The following ADGRL2 variants were observed in gnomAD, a reference collection of about 807,000 sequenced individuals.
The protein encoded by ADGRL2 is calcium-independent alpha-latrotoxin receptor 2.
Under a neutral mutation model 157.4 loss-of-function variants are expected in ADGRL2, and 44 were observed. The observed-to-expected ratio is 0.28, with a 90% CI of 0.22 to 0.36. ADGRL2 has a LOEUF of 0.36. Among genes scored for constraint, ADGRL2 ranks in the 10% least tolerant of loss-of-function variants. The pLI, the probability that ADGRL2 is intolerant of heterozygous loss-of-function variation, is 1.00. For synonymous variants in ADGRL2, 585 were observed against 624.7 expected (o/e 0.94, Z 0.95); for missense variants, 1,510 against 1,768.9 (o/e 0.85, Z 2.63).
chr1:81,921,418 A>G (rs575054869), intron 3 of ADGRL2, among the ~76,000 whole-genome samples: 44 of 152,312 alleles, frequency 2.9e-4, no homozygotes, highest in African/African-American at 8.2e-4. Flanking sequence ...ACAATATGAT[A>G]ATGTGTATAG....
chr1:81,853,646 G>T (rs1404083640), intron 2 of ADGRL2, among the ~76,000 whole-genome samples: 3 of 152,114 alleles, frequency 2.0e-5, no homozygotes, highest in African/African-American at 7.2e-5. Context: ...TGTAAAAAAT[G>T]AAAGCAAATA....
intron 1 of ADGRL2, among the ~76,000 whole-genome samples, chr1:81,815,316 A>G (rs1444202124): frequency 1.3e-5 from 2 of 151,910 alleles, no homozygotes; most frequent in African/African-American, 4.8e-5. Context: ...CAAGGAAAAG[A>G]CTTAGTCCAA....
chr1:81,902,692 T>C (rs190704174), intron 2 of ADGRL2, among the ~76,000 whole-genome samples: 370 of 152,228 alleles, frequency 2.4e-3, no homozygotes, highest in Middle Eastern at 0.01. Context: ...AGAATTCCAA[T>C]GAAAGGAAAG....
At chr1:81,376,989 C>T (rs1167971577) in intron 1 of ADGRL2, among the ~76,000 whole-genome samples, 1 of 152,066 alleles carries the variant, frequency 6.6e-6, no homozygotes. Context: ...GAGTTTTGAG[C>T]CCAGACTGAG....
At chr1:81,827,824 C>T (rs12128020) in intron 1 of ADGRL2, among the ~76,000 whole-genome samples, 11,856 of 152,206 alleles carry the variant, frequency 0.078, 533 homozygotes, top group South Asian at 0.16. Context: ...CTCGGACTCC[C>T]AAAGTGCTAG....
chr1:81,865,556 CAT>C (rs2150891267), intron 2 of ADGRL2, among the ~76,000 whole-genome samples: 5 of 152,258 alleles, frequency 3.3e-5, no homozygotes, highest in African/African-American at 1.2e-4. Context: ...TATGTTTTCT[CAT>C]GTGAGATTAG....
At chr1:81,513,741 A>T (rs974415472) in intron 2 of ADGRL2, 5 of 152,156 alleles carry the variant, frequency 3.3e-5, no homozygotes, top group Non-Finnish European at 7.4e-5. Flanking sequence ...TTGGTTCTAA[A>T]CCAATTCCCT....
At chr1:81,791,066 CAAAAA>C (rs11411906) in intron 2 of ADGRL2, among the ~76,000 whole-genome samples, 146 of 37,460 alleles carry the variant, frequency 3.9e-3, no homozygotes, top group Non-Finnish European at 4.9e-3. Flanking sequence ...GACCCTATCT[CAAAAA>C]AAAAAAAAAA....
At chr1:81,429,045 CACATTCCCATAT>C (rs2077271501) in intron 1 of ADGRL2, among the ~76,000 whole-genome samples, 1 of 152,162 alleles carries the variant, frequency 6.6e-6, no homozygotes, top group Admixed American at 6.5e-5. Flanking sequence ...ACCACCTATT[CACATTCCCATAT>C]AGCATAAGAA....
intron 2 of ADGRL2, among the ~76,000 whole-genome samples, chr1:81,476,903 G>C (rs547594099): frequency 6.6e-6 from 1 of 152,170 alleles, no homozygotes; most frequent in Non-Finnish European, 1.5e-5. Context: ...CGATTAAACT[G>C]TATTTTTAAA....
chr1:81,963,318 T>A (rs1230693171), intron 11 of ADGRL2, among the ~76,000 whole-genome samples: 1 of 152,196 alleles, frequency 6.6e-6, no homozygotes, highest in East Asian at 1.9e-4. Context: ...CCCTCGTTAT[T>A]ACTATGTAGT....
intron 3 of ADGRL2, among the ~76,000 whole-genome samples, chr1:81,628,745 C>T (rs1336147105): frequency 6.6e-6 from 1 of 152,140 alleles, no homozygotes; most frequent in Non-Finnish European, 1.5e-5. Flanking sequence ...AGAACTTTCT[C>T]ACTTCTAAAT....
chr1:81,415,009 C>G (rs1022640377), intron 1 of ADGRL2, among the ~76,000 whole-genome samples: 1 of 152,132 alleles, frequency 6.6e-6, no homozygotes. Context: ...CACAATGCTA[C>G]CAACTGACAA....
chr1:81,550,026 C>T (rs1428838493), intron 2 of ADGRL2, among the ~76,000 whole-genome samples: 2 of 152,078 alleles, frequency 1.3e-5, no homozygotes, highest in Non-Finnish European at 2.9e-5. Context: ...CAGGATTTGC[C>T]ATTGGTCTGA....
chr1:81,949,994 A>G (rs538119957), intron 6 of ADGRL2, among the ~76,000 whole-genome samples, 195 bp from the exon 7 acceptor site: 26 of 152,340 alleles, frequency 1.7e-4, no homozygotes, highest in African/African-American at 5.8e-4. Context: ...AGCCATCAGT[A>G]TAAATAAATT....
intron 1 of ADGRL2, among the ~76,000 whole-genome samples, chr1:81,821,927 G>T (rs1028648529): frequency 1.3e-5 from 2 of 151,412 alleles, no homozygotes; most frequent in East Asian, 3.9e-4. Flanking sequence ...GGCAAGTTAG[G>T]ATTTCAAAGT....
chr1:81,960,518 A>G (rs1049699660), intron 11 of ADGRL2, among the ~76,000 whole-genome samples: 4 of 147,366 alleles, frequency 2.7e-5, no homozygotes, highest in African/African-American at 9.9e-5. Flanking sequence ...TCTGTTGCCC[A>G]GGCTGGAGTG....
intron 2 of ADGRL2, among the ~76,000 whole-genome samples, chr1:81,526,922 T>C (rs1170817221): frequency 2.6e-5 from 4 of 152,234 alleles, no homozygotes; most frequent in Admixed American, 6.5e-5. Context: ...ATTTACCCTA[T>C]TTGAGGGAAT....
intron 1 of ADGRL2, among the ~76,000 whole-genome samples, chr1:81,390,805 T>A (rs1360258735): frequency 7.9e-5 from 12 of 152,294 alleles, no homozygotes; most frequent in African/African-American, 2.7e-4. Flanking sequence ...GCAACAAAAT[T>A]TATTTAACCA....
Sources: allele counts gnomAD v4.1 joint callset (sites outside exome capture counted in the v4.1 genomes callset), GRCh38; gene constraint gnomAD v4.1.1; transcripts MANE v1.5; gene names NCBI Gene and HGNC (gene_info 2026-07-23, HGNC 2026-07-21).